DOCK10: variants seen among roughly 807,000 people sequenced by gnomAD.
DOCK10 encodes dedicator of cytokinesis 10.
A neutral mutation model predicts 280.1 loss-of-function variants in DOCK10; 145 were observed. The observed-to-expected ratio is 0.52, with a 90% CI of 0.45 to 0.59. The LOEUF is 0.59. DOCK10 is among the 20% of genes least tolerant of loss of function. The pLI is 0.00. For missense variants in DOCK10, 2,368 were observed against 2,651.7 expected (o/e 0.89, Z 2.35); for synonymous variants, 915 against 942.2 (o/e 0.97, Z 0.53).
intron 50 of DOCK10, among the ~76,000 whole-genome samples, chr2:224,779,631 T>C (rs1208996273): frequency 6.6e-6 from 1 of 152,230 alleles, no homozygotes; most frequent in Non-Finnish European, 1.5e-5. Flanking sequence ...ATATTAATTG[T>C]TAAAAAAAGC....
chr2:224,842,483 G>T (rs1196194531), intron 22 of DOCK10, among the ~76,000 whole-genome samples: 1 of 151,426 alleles, frequency 6.6e-6, no homozygotes, highest in African/African-American at 2.4e-5. Context: ...GTGAGATAAA[G>T]AACTTGTGTG....
intron 1 of DOCK10, among the ~76,000 whole-genome samples, chr2:225,006,655 A>G (rs1476298681): frequency 6.6e-6 from 1 of 152,198 alleles, no homozygotes; most frequent in Non-Finnish European, 1.5e-5. Context: ...GAGTTATTTG[A>G]GTACATCTCT....
At chr2:224,882,671 C>T (rs1559648077) in intron 7 of DOCK10, among the ~76,000 whole-genome samples, 1 of 152,184 alleles carries the variant, frequency 6.6e-6, no homozygotes, top group Non-Finnish European at 1.5e-5. Context: ...CTTTCTGAGG[C>T]AGAGACGTTG....
At chr2:225,025,153 T>C (rs1689886171) in intron 1 of DOCK10, among the ~76,000 whole-genome samples, 1 of 152,088 alleles carries the variant, frequency 6.6e-6, no homozygotes, top group Non-Finnish European at 1.5e-5. Context: ...TGGGCTTTGG[T>C]GGAGATCAGG....
intron 1 of DOCK10, among the ~76,000 whole-genome samples, chr2:225,016,560 CATATATCT>C (rs1689597933): frequency 9.6e-5 from 13 of 134,774 alleles, no homozygotes; most frequent in East Asian, 4.7e-4. Context: ...CACATAGATA[CATATATCT>C]ATGTGCACAT....
chr2:224,856,312 T>C (rs938857425), intron 15 of DOCK10, among the ~76,000 whole-genome samples: 2 of 152,198 alleles, frequency 1.3e-5, no homozygotes, highest in Admixed American at 1.3e-4. Flanking sequence ...TTTATGTTTA[T>C]AACAGATCAC....
intron 1 of DOCK10, among the ~76,000 whole-genome samples, chr2:225,026,341 A>C (rs1477211505): frequency 6.6e-6 from 1 of 152,242 alleles, no homozygotes; most frequent in Non-Finnish European, 1.5e-5. Flanking sequence ...AGATGCAGGC[A>C]GAATGGAGGG....
chr2:225,025,696 C>T (rs1296360559), intron 1 of DOCK10, among the ~76,000 whole-genome samples: 1 of 151,326 alleles, frequency 6.6e-6, no homozygotes, highest in Non-Finnish European at 1.5e-5. Context: ...GCTCTTGTTT[C>T]CAAGGCTAGG....
intron 11 of DOCK10, among the ~76,000 whole-genome samples, chr2:224,870,024 T>A (rs1698167650): frequency 2.0e-5 from 3 of 152,210 alleles, no homozygotes; most frequent in South Asian, 4.1e-4. Context: ...CCAAATCTCA[T>A]CTTAAATTGT....
chr2:224,879,323 A>G (rs1176307200), intron 7 of DOCK10, among the ~76,000 whole-genome samples: 1 of 152,158 alleles, frequency 6.6e-6, no homozygotes, highest in Admixed American at 6.6e-5. Context: ...GTTCTGACGA[A>G]GAAGGGCTAC....
At chr2:224,776,900 G>A (rs952918010) in intron 51 of DOCK10, among the ~76,000 whole-genome samples, 1 of 152,188 alleles carries the variant, frequency 6.6e-6, no homozygotes, top group African/African-American at 2.4e-5. Context: ...TGTTAAGGAA[G>A]GTCCCTGCCC....
At chr2:224,830,760 A>T (rs1292164866) in intron 26 of DOCK10, 148 bp from the exon 27 acceptor site, 5 of 421,578 alleles carry the variant, frequency 1.2e-5, no homozygotes, top group Admixed American at 4.1e-5. Context: ...AATATTCTCT[A>T]TTATAGTGGG....
intron 7 of DOCK10, among the ~76,000 whole-genome samples, chr2:224,884,540 G>A (rs1699164937): frequency 6.6e-6 from 1 of 152,210 alleles, no homozygotes; most frequent in Non-Finnish European, 1.5e-5. Flanking sequence ...GTAGGAAGCA[G>A]CGATTCGAAA....
At chr2:224,925,375 G>C (rs978520013) in intron 2 of DOCK10, among the ~76,000 whole-genome samples, 18 of 152,170 alleles carry the variant, frequency 1.2e-4, no homozygotes, top group Non-Finnish European at 2.9e-5. Flanking sequence ...CCACTATTCT[G>C]AGTTTTAATA....
At position 224,885,779 on chromosome 2, in the gene DOCK10, C is replaced by A; in HGVS notation, c.639G>T (p.Leu213=). 1.9e-6 allele frequency: 3 copies of A among 1,613,240 alleles called. No homozygotes were observed. Among genetic ancestry groups the A allele is most frequent in the South Asian group, 2.2e-5 (2 of 90,904 alleles). The change falls in exon 7 of 56, where the codon CTG becomes CTT. Residue 213 remains leucine, a synonymous_variant. Coordinates refer to ENST00000258390, the MANE Select transcript of DOCK10 (RefSeq NM_014689.3). ...VRSFKKRYFQ[L]TQLPDNSYIM... is the part of the protein sequence containing the mutation. ...TGTAGGAGTTATCTGGTAACTGAGT[C>A]AGCTGGAAGTAGCGCTTTTTGAATG... is the stretch of plus-strand genomic sequence containing the variant.
intron 1 of DOCK10, among the ~76,000 whole-genome samples, chr2:225,016,382 G>T (rs1689590027): frequency 6.6e-6 from 1 of 151,584 alleles, no homozygotes; most frequent in South Asian, 2.1e-4. Flanking sequence ...TTGACAAAAA[G>T]GAAATATTAT....
Position 224,806,481 on chromosome 2 carries a change from T to C in DOCK10, c.3703-244A>G, listed in dbSNP as rs2125220400. Among the ~76,000 whole-genome samples the C allele has an allele frequency of 2.0e-5, 3 of 152,328 alleles. 1 individual carries two copies. In the Middle Eastern group the frequency reaches 0.01, roughly 518 times the overall value. On this transcript the variant is annotated intron_variant, in intron 33 of 55. Coordinates refer to ENST00000258390, the MANE Select transcript of DOCK10 (RefSeq NM_014689.3). ...AGAAACAATCTTTTAGATACAGATA[T>C]ACAGACTACATGGCTGGATTGGTTA...
At chr2:224,939,865 TA>T (rs559447433) in intron 1 of DOCK10, among the ~76,000 whole-genome samples, 18 of 152,370 alleles carry the variant, frequency 1.2e-4, no homozygotes, top group African/African-American at 4.1e-4. Flanking sequence ...ACCATTCTTT[TA>T]TTTCCTTTCC....
chr2:224,824,770 G>A (rs1305124784), intron 27 of DOCK10, among the ~76,000 whole-genome samples: 1 of 151,718 alleles, frequency 6.6e-6, no homozygotes, highest in Non-Finnish European at 1.5e-5. Context: ...TTACCAGCTG[G>A]CTTTAAAAAT....
Sources: gnomAD v4.1 joint callset for allele counts (sites outside exome capture counted in the v4.1 genomes callset) on GRCh38, gnomAD v4.1.1 for gene constraint, MANE v1.5 for transcripts, NCBI Gene and HGNC (gene_info 2026-07-23, HGNC 2026-07-21) for gene names.